CDC37L1: variants seen among roughly 807,000 people sequenced by gnomAD.
The protein encoded by CDC37L1 is hsp90 co-chaperone Cdc37-like 1.
In CDC37L1, 32 loss-of-function variants were observed where a neutral mutation model predicts 45.9. The observed-to-expected ratio is 0.70, with a 90% CI of 0.53 to 0.94. CDC37L1 has a LOEUF of 0.94. Among genes scored for constraint, CDC37L1 ranks in the 40% least tolerant of loss-of-function variants. CDC37L1 has a pLI of 0.00. For synonymous variants in CDC37L1, 150 were observed against 133.0 expected, an observed-to-expected ratio of 1.13 and a Z score of -0.88; for missense variants, 434 against 405.7, an observed-to-expected ratio of 1.07 and a Z score of -0.60.
chr9:4,687,012 C>A (rs954296055), intron 2 of CDC37L1, among the ~76,000 whole-genome samples: 1 of 152,146 alleles, frequency 6.6e-6, no homozygotes. Flanking sequence ...TGCTTTTTAA[C>A]GTGGCTAATA....
intron 1 of CDC37L1, among the ~76,000 whole-genome samples, chr9:4,683,702 G>A (rs555345242): frequency 3.9e-5 from 6 of 152,236 alleles, no homozygotes; most frequent in African/African-American, 7.2e-5. Flanking sequence ...AGTGGAGAAC[G>A]GCTTGGGATA....
In CDC37L1 at chr9:4,684,886, C is replaced by G. The variant is rs768069217; in HGVS notation, c.142C>G (p.His48Asp). 1.2e-6 allele frequency: 2 copies of G among 1,609,372 alleles called. No individual in the cohort carries two copies. The highest frequency in any genetic ancestry group is 1.7e-6 in the Non-Finnish European group (2 of 1,176,116). ...LPGGGAQMYS[H>D]GIELACQKQK... ...TATTGTTTTTATCCAGATGTATAGC[C>G]ATGGAATTGAATTGGCTTGCCAAAA... is the stretch of plus-strand genomic sequence containing the variant. The change falls in exon 2 of 7, where the codon CAT (histidine) becomes GAT (aspartate). Residue 48 changes from histidine (H) to aspartate (D), a missense_variant. By Grantham distance (81) the His-to-Asp change is moderately conservative. Transcript: ENST00000381854.
chr9:4,686,734 C>T (rs1343217954), intron 2 of CDC37L1, among the ~76,000 whole-genome samples: 1 of 152,128 alleles, frequency 6.6e-6, no homozygotes, highest in Non-Finnish European at 1.5e-5. Context: ...CTGGTTTTGT[C>T]TGGGAGCTTG....
Position 4,682,159 on chromosome 9 carries a change from C to CTTTTTT in CDC37L1, c.132+2261_132+2262insTTTTTT. ...TACTTTTCTTGATATATTATCCTTT[C>CTTTTTT]TCTTTTTTTTTTTTTTTTTTTGAGG... On this transcript the variant is annotated intron_variant, in intron 1 of 6. Coordinates refer to ENST00000381854, the MANE Select transcript of CDC37L1 (RefSeq NM_017913.4). Among the ~76,000 whole-genome samples, 2 of 48,468 alleles carry CTTTTTT rather than the reference C, an allele frequency of 4.1e-5. 1 individual carries two copies. Among genetic ancestry groups the CTTTTTT allele is most frequent in the African/African-American group, 3.3e-4 (2 of 6,018 alleles). The allele number at this position is 48,468 out of a possible 152,430, so 31.8% of individuals were successfully genotyped here. A position where few individuals can be genotyped will look rare whatever the true frequency, so the allele number is the denominator to read the frequency against.
intron 6 of CDC37L1, among the ~76,000 whole-genome samples, chr9:4,702,749 C>G (rs149589068): frequency 6.6e-6 from 1 of 151,428 alleles, no homozygotes; most frequent in Admixed American, 6.6e-5. Flanking sequence ...ATTAGCCGGG[C>G]GTGGTGGCAG....
At chr9:4,680,022 G>A (rs1301498313) in intron 1 of CDC37L1, 123 bp downstream of exon 1, 13 of 1,226,926 alleles carry the variant, frequency 1.1e-5, no homozygotes, top group East Asian at 2.6e-5. Flanking sequence ...CCAGGGGCCG[G>A]GGACCTGGGA....
At chr9:4,697,569 A>C (rs1456055037) in intron 4 of CDC37L1, among the ~76,000 whole-genome samples, 188 bp from the exon 5 acceptor site, 1 of 151,642 alleles carries the variant, frequency 6.6e-6, no homozygotes, top group African/African-American at 2.4e-5. Context: ...GTCTTCCTTT[A>C]GTTATTCTGG....
chr9:4,682,592 T>C (rs968907095), intron 1 of CDC37L1, among the ~76,000 whole-genome samples: 4 of 152,086 alleles, frequency 2.6e-5, no homozygotes, highest in Non-Finnish European at 5.9e-5. Flanking sequence ...CCTGAAGTGC[T>C]GGGATTACAG....
At chr9:4,695,510 A>G (rs963654614) in intron 3 of CDC37L1, among the ~76,000 whole-genome samples, 1 of 152,032 alleles carries the variant, frequency 6.6e-6, no homozygotes, top group African/African-American at 2.4e-5. Flanking sequence ...TAATCCTTTT[A>G]AGAGATGAGG....
At chr9:4,702,672 G>T (rs752345776) in intron 6 of CDC37L1, among the ~76,000 whole-genome samples, 1 of 151,696 alleles carries the variant, frequency 6.6e-6, no homozygotes, top group South Asian at 2.1e-4. Flanking sequence ...ACGAGGTCAG[G>T]AGATCGAGAC....
intron 3 of CDC37L1, among the ~76,000 whole-genome samples, chr9:4,693,746 T>A (rs1841322231): frequency 6.6e-6 from 1 of 152,240 alleles, no homozygotes; most frequent in South Asian, 2.1e-4. Context: ...ATAAACATTT[T>A]GAATGGGTGC....
At position 4,701,971 on chromosome 9, in the gene CDC37L1, G is replaced by C. The variant is rs1841402202; in HGVS notation, c.855G>C (p.Gln285His). The change falls in exon 6 of 7, where the codon CAG becomes CAC. Residue 285 changes from glutamine (Q) to histidine (H), a missense_variant. Gln to His is a conservative substitution (Grantham distance 24). Transcript: ENST00000381854. ...AAAGTTTTCAACCTATGACAGTTCA[G>C]AATCATGTTCCCCATTCTGGTGTTG... Reference protein sequence around the residue: ...QSQSFQPMTVQNHVPHSGVGS... With the variant: ...QSQSFQPMTVHNHVPHSGVGS... 1 of 1,555,790 alleles carries C rather than the reference G, an allele frequency of 6.4e-7. No individual in the cohort carries two copies.
chr9:4,706,166 T>G lies in CDC37L1; in HGVS notation c.*54T>G. 1 of 905,114 alleles carries G rather than the reference T, an allele frequency of 1.1e-6. No individual in the cohort carries two copies. The highest frequency in any genetic ancestry group is 1.3e-5 in the South Asian group (1 of 74,432). The allele number at this position is 905,114 out of a possible 1,614,324, so 56.1% of individuals were successfully genotyped here. ...TATTTTGTTACAAGAAAGGAAGAAC[T>G]TGGCTATTTTCTTGACACTTTTATG... is the stretch of plus-strand genomic sequence containing the variant. On this transcript the variant is annotated 3_prime_UTR_variant, in exon 7 of 7. Transcript: ENST00000381854.
rs1437638911 is a variant in CDC37L1, at chr9:4,688,617, T to C, written c.508+11T>C. 1 of 1,448,024 alleles carries C rather than the reference T, an allele frequency of 6.9e-7. No homozygotes were observed. The highest frequency in any genetic ancestry group is 9.4e-7 in the Non-Finnish European group (1 of 1,066,978). 89.7% of individuals were successfully genotyped at this position (1,448,024 alleles called of 1,614,324 possible). On this transcript the variant is annotated intron_variant, in intron 3 of 6. Transcript: ENST00000381854. ...AAATCAGACATTTTGGTAAGTCTAC[T>C]ACTTGGATTTCCTTCTTTGTAATGT...
Position 4,684,929 on chromosome 9 carries a change from A to G in CDC37L1, c.185A>G (p.Lys62Arg). The change falls in exon 2 of 7, where the codon AAG (lysine) becomes AGG (arginine). Residue 62 changes from lysine to arginine, a missense_variant. Physicochemically the swap from Lys to Arg is conservative, Grantham distance 26. Transcript: ENST00000381854. ...TGCCAAAAGCAGAAAGAGTTTGTGA[A>G]GAGCTCTGTGGCGTGCAAATGGAAT... ...LACQKQKEFV[K>R]SSVACKWNLA... 6.2e-7 allele frequency: 1 copy of G among 1,613,852 alleles called. No individual in the cohort carries two copies. The highest frequency in any genetic ancestry group is 8.5e-7 in the Non-Finnish European group (1 of 1,179,724).
rs995682547 is a variant in CDC37L1, at chr9:4,707,990, G to A, written c.*1878G>A. The A allele has an allele frequency of 3.3e-5, 5 of 152,108 alleles. No individual in the cohort carries two copies. The highest frequency in any genetic ancestry group is 5.9e-5 in the Non-Finnish European group (4 of 68,022). The allele number at this position is 152,108 out of a possible 1,614,324, so 9.4% of individuals were successfully genotyped here. On this transcript the variant is annotated 3_prime_UTR_variant, in exon 7 of 7. Coordinates refer to ENST00000381854, the MANE Select transcript of CDC37L1 (RefSeq NM_017913.4). ...CAAACTGAGTAAACTATTCTTGAGG[G>A]GCACTGAAAAGATGTTCTTTGAAAC... is the stretch of plus-strand genomic sequence containing the variant.
chr9:4,692,482 C>G (rs1841310499), intron 3 of CDC37L1, among the ~76,000 whole-genome samples: 2 of 152,066 alleles, frequency 1.3e-5, no homozygotes, highest in Non-Finnish European at 2.9e-5. Context: ...GTTGGCCAGG[C>G]TGGCCTTGAA....
intron 6 of CDC37L1, among the ~76,000 whole-genome samples, chr9:4,702,745 C>T (rs1485777681): frequency 1.3e-5 from 2 of 151,480 alleles, no homozygotes; most frequent in East Asian, 1.9e-4. Flanking sequence ...AAAAATTAGC[C>T]GGGCGTGGTG....
At position 4,706,502 on chromosome 9, in the gene CDC37L1, A is replaced by G. The variant is rs1841443368; in HGVS notation, c.*390A>G. 6.5e-6 allele frequency: 1 copy of G among 153,618 alleles called. No homozygotes were observed. Among genetic ancestry groups the G allele is most frequent in the Non-Finnish European group, 1.5e-5 (1 of 68,658 alleles). 9.5% of individuals were successfully genotyped at this position (153,618 alleles called of 1,614,324 possible). The stretch of plus-strand genomic sequence containing the variant: ...TGGATATGTACATGTCCTATTCTAC[A>G]AAAATGATTAAAGATAAAAACATAC... On this transcript the variant is annotated 3_prime_UTR_variant, in exon 7 of 7. Coordinates refer to ENST00000381854, the MANE Select transcript of CDC37L1 (RefSeq NM_017913.4).
Sources: gnomAD v4.1 joint callset for allele counts (sites outside exome capture counted in the v4.1 genomes callset) on GRCh38, gnomAD v4.1.1 for gene constraint, MANE v1.5 for transcripts, NCBI Gene and HGNC (gene_info 2026-07-23, HGNC 2026-07-21) for gene names.